The following AKT3 variants were observed in gnomAD, a reference collection of about 807,000 sequenced individuals.
AKT3 encodes the protein AKT serine/threonine kinase 3, also known as RAC-gamma serine/threonine-protein kinase.
Under a neutral mutation model 65.3 loss-of-function variants are expected in AKT3, and 15 were observed. The observed-to-expected ratio is 0.23, with a 90% CI of 0.15 to 0.35. AKT3 has a LOEUF of 0.35. Among genes scored for constraint, AKT3 ranks in the 10% least tolerant of loss-of-function variants. AKT3 has a pLI of 1.00. For synonymous variants in AKT3, 206 were observed against 183.8 expected (o/e 1.12, Z -0.98); for missense variants, 243 against 576.5 (o/e 0.42, Z 5.92).
chr1:243,664,924 T>C, intron 3 of AKT3, 41 bp from the exon 4 acceptor site: 2 of 1,200,026 alleles, frequency 1.7e-6, no homozygotes, highest in Admixed American at 2.3e-5. Context: ...ATGGATATAT[T>C]TAAAACAAGA....
intron 2 of AKT3, among the ~76,000 whole-genome samples, chr1:243,715,688 A>C (rs1191592047): frequency 6.6e-6 from 1 of 152,088 alleles, no homozygotes; most frequent in Non-Finnish European, 1.5e-5. Flanking sequence ...AAACGAGGGA[A>C]AGAAAAAAAG....
chr1:243,714,512 G>A (rs1449271873), intron 2 of AKT3, among the ~76,000 whole-genome samples: 1 of 151,962 alleles, frequency 6.6e-6, no homozygotes, highest in Non-Finnish European at 1.5e-5. Context: ...AAGATCACCT[G>A]GTTTAATTTT....
At chr1:243,664,016 G>C (rs918262551) in intron 4 of AKT3, among the ~76,000 whole-genome samples, 1 of 151,968 alleles carries the variant, frequency 6.6e-6, no homozygotes. Flanking sequence ...CCGCTCCTTA[G>C]ACCCAATCTC....
intron 2 of AKT3, among the ~76,000 whole-genome samples, chr1:243,825,750 C>A (rs946946231): frequency 1.3e-5 from 2 of 152,154 alleles, no homozygotes; most frequent in South Asian, 4.1e-4. Flanking sequence ...TTGGATTCTA[C>A]AAGGGGAATA....
At chr1:243,491,135 C>G (rs1268200902) in intron 13 of AKT3, among the ~76,000 whole-genome samples, 1 of 152,228 alleles carries the variant, frequency 6.6e-6, no homozygotes, top group East Asian at 1.9e-4. Flanking sequence ...GTGGGCTTTG[C>G]CTTTTAACTC....
At chr1:243,691,424 A>C (rs1490392577) in intron 3 of AKT3, among the ~76,000 whole-genome samples, 1 of 152,174 alleles carries the variant, frequency 6.6e-6, no homozygotes, top group Non-Finnish European at 1.5e-5. Context: ...TTTTAGAAAG[A>C]CCACTTTGAT....
intron 2 of AKT3, among the ~76,000 whole-genome samples, chr1:243,725,741 CA>C (rs937348130): frequency 2.0e-4 from 30 of 151,506 alleles, no homozygotes; most frequent in African/African-American, 7.3e-4. Flanking sequence ...ATACCATTGC[CA>C]AAAAAAATTA....
At chr1:243,779,877 G>T (rs1690796588) in intron 2 of AKT3, among the ~76,000 whole-genome samples, 1 of 151,998 alleles carries the variant, frequency 6.6e-6, no homozygotes, top group South Asian at 2.1e-4. Flanking sequence ...GCTTTCATGG[G>T]CCCAATCTAG....
chr1:243,827,616 T>C (rs910713948), intron 2 of AKT3, among the ~76,000 whole-genome samples: 1 of 152,178 alleles, frequency 6.6e-6, no homozygotes, highest in South Asian at 2.1e-4. Flanking sequence ...TTTTTAATCA[T>C]AAAGTTTAAC....
chr1:243,501,240 G>A lies in AKT3; in HGVS notation c.*4009C>T, dbSNP rs1386036545. On this transcript the variant is annotated 3_prime_UTR_variant, in exon 14 of 14. Coordinates refer to ENST00000673466, the MANE Select transcript of AKT3 (RefSeq NM_005465.7). Reference sequence around the variant, plus strand: ...CCCATCCAGAATGATTCAACGTGAAGTCAGACTGCAGTCCAGCCATCCTAC... The same window carrying A: ...CCCATCCAGAATGATTCAACGTGAAATCAGACTGCAGTCCAGCCATCCTAC... The A allele has an allele frequency of 8.6e-6, 2 of 232,816 alleles. No homozygotes were observed. Among genetic ancestry groups the A allele is most frequent in the Non-Finnish European group, 1.7e-5 (2 of 117,834 alleles). 14.4% of individuals were successfully genotyped at this position (232,816 alleles called of 1,614,324 possible).
downstream of AKT3, chr1:243,499,675 G>T: frequency 8.9e-7 from 1 of 1,118,646 alleles, no homozygotes; most frequent in Non-Finnish European, 1.4e-6. Flanking sequence ...ATCATAAAAG[G>T]TGACTAAACC....
intron 3 of AKT3, among the ~76,000 whole-genome samples, chr1:243,691,605 G>A (rs538510975): frequency 6.6e-6 from 1 of 152,174 alleles, no homozygotes; most frequent in East Asian, 1.9e-4. Flanking sequence ...GTGGGGTAAA[G>A]ATGTGAAGGA....
At chr1:243,812,363 G>T (rs1031984063) in intron 2 of AKT3, among the ~76,000 whole-genome samples, 1 of 152,132 alleles carries the variant, frequency 6.6e-6, no homozygotes, top group African/African-American at 2.4e-5. Flanking sequence ...GTGGGTGAAG[G>T]ATATGAACAG....
chr1:243,669,028 T>G (rs320318), intron 3 of AKT3, among the ~76,000 whole-genome samples: 126,448 of 152,120 alleles, frequency 0.83, 52,722 homozygotes, highest in Non-Finnish European at 0.86. Flanking sequence ...TTTGAAAGAC[T>G]TAAGTTTTAA....
chr1:243,638,211 A>G (rs1248477030), intron 5 of AKT3, among the ~76,000 whole-genome samples: 1 of 152,206 alleles, frequency 6.6e-6, no homozygotes, highest in Admixed American at 6.5e-5. Context: ...AGAGAGAGAT[A>G]TAGGATATAT....
intron 12 of AKT3, among the ~76,000 whole-genome samples, chr1:243,537,732 A>G (rs1672029096): frequency 6.6e-6 from 1 of 152,214 alleles, no homozygotes; most frequent in Non-Finnish European, 1.5e-5. Context: ...TACGAGGTCG[A>G]CTTTCAAGAA....
intron 2 of AKT3, among the ~76,000 whole-genome samples, chr1:243,703,774 A>AG (rs1022509567): frequency 4.1e-5 from 6 of 146,128 alleles, no homozygotes; most frequent in Non-Finnish European, 9.2e-5. Flanking sequence ...AAAAAAAAAA[A>AG]AAAAGAAAAA....
chr1:243,833,543 C>T (rs1235693281), intron 2 of AKT3, among the ~76,000 whole-genome samples: 1 of 152,136 alleles, frequency 6.6e-6, no homozygotes, highest in Middle Eastern at 3.4e-3. Flanking sequence ...TCCCTTGACA[C>T]GTAGGGATTA....
At position 243,501,847 on chromosome 1, in the gene AKT3, AAG is replaced by A; in HGVS notation, c.*3400_*3401del. On this transcript the variant is annotated 3_prime_UTR_variant, in exon 14 of 14. Transcript: ENST00000673466. ...CCTATCATATACGTGTAAAAATACT[AAG>A]GATGTACAGTGTACAAAAACAGTTT... 4.3e-6 allele frequency: 1 copy of A among 232,812 alleles called. No homozygotes were observed. Among genetic ancestry groups the A allele is most frequent in the East Asian group, 6.1e-5 (1 of 16,428 alleles). 14.4% of individuals were successfully genotyped at this position (232,812 alleles called of 1,614,324 possible). A position where few individuals can be genotyped will look rare whatever the true frequency, so the allele number is the denominator to read the frequency against.
Sources: gnomAD v4.1 joint callset for allele counts (sites outside exome capture counted in the v4.1 genomes callset) on GRCh38, gnomAD v4.1.1 for gene constraint, MANE v1.5 for transcripts, NCBI Gene and HGNC (gene_info 2026-07-23, HGNC 2026-07-21) for gene names.